Variants in PEX5L observed in about 807,000 individuals in gnomAD.
The protein encoded by PEX5L is PEX5-related protein.
A neutral mutation model predicts 84.0 loss-of-function variants in PEX5L; 30 were observed. The observed-to-expected ratio is 0.36, with a 90% CI of 0.27 to 0.48. The LOEUF (loss-of-function observed/expected upper bound fraction) is 0.48. PEX5L is among the 20% of genes least tolerant of loss of function. The pLI, the probability that PEX5L is intolerant of heterozygous loss-of-function variation, is 0.99. For missense variants in PEX5L, 533 were observed against 754.6 expected (o/e 0.71, Z 3.44); for synonymous variants, 270 against 283.1 (o/e 0.95, Z 0.46).
intron 8 of PEX5L, among the ~76,000 whole-genome samples, chr3:179,847,081 G>GTGTGTGTA (rs777216967): frequency 9.5e-6 from 1 of 105,554 alleles, no homozygotes; most frequent in African/African-American, 3.0e-5. Flanking sequence ...GTGTGTGTGT[G>GTGTGTGTA]TATATATATA....
At chr3:179,874,279 C>T (rs1751379836) in intron 7 of PEX5L, 48 bp downstream of exon 7, 8 of 1,053,230 alleles carry the variant, frequency 7.6e-6, no homozygotes, top group Admixed American at 1.8e-5. Context: ...TTATGCTATA[C>T]ACTATATATA....
intron 1 of PEX5L, among the ~76,000 whole-genome samples, chr3:179,999,518 C>T (rs113668043): frequency 6.6e-6 from 1 of 152,216 alleles, no homozygotes; most frequent in African/African-American, 2.4e-5. Flanking sequence ...CAACACTGAG[C>T]TCTCAATATG....
chr3:179,986,650 T>C (rs1035490523), intron 1 of PEX5L, among the ~76,000 whole-genome samples: 12 of 151,972 alleles, frequency 7.9e-5, no homozygotes, highest in East Asian at 1.9e-4. Flanking sequence ...GATCCGCCCG[T>C]CTTGGCCTCC....
At chr3:179,890,896 G>A (rs1195620717) in intron 3 of PEX5L, among the ~76,000 whole-genome samples, 3 of 151,512 alleles carry the variant, frequency 2.0e-5, no homozygotes, top group Admixed American at 2.0e-4. Flanking sequence ...TAAATGGAAA[G>A]CAAAGGAAAA....
At chr3:179,844,012 C>T (rs1738292725) in intron 8 of PEX5L, among the ~76,000 whole-genome samples, 1 of 152,208 alleles carries the variant, frequency 6.6e-6, no homozygotes, top group African/African-American at 2.4e-5. Flanking sequence ...AAGTTGTACA[C>T]CCATATTCAG....
At chr3:179,811,289 T>TCAA (rs1723730572) in intron 11 of PEX5L, among the ~76,000 whole-genome samples, 2 of 152,094 alleles carry the variant, frequency 1.3e-5, no homozygotes, top group African/African-American at 4.8e-5. Context: ...CCTATAGCAC[T>TCAA]ATATTAAAGG....
intron 2 of PEX5L, among the ~76,000 whole-genome samples, chr3:179,942,017 C>CAAAAAAA (rs11447396): frequency 1.1e-4 from 10 of 89,178 alleles, no homozygotes; most frequent in Non-Finnish European, 1.4e-4. Context: ...TGAGACTCCT[C>CAAAAAAA]AAAAAAAAAA....
intron 2 of PEX5L, among the ~76,000 whole-genome samples, chr3:179,929,316 A>G (rs1373132040): frequency 6.6e-6 from 1 of 152,226 alleles, no homozygotes; most frequent in East Asian, 1.9e-4. Flanking sequence ...AAAAATCCTC[A>G]AAGTACTTAA....
intron 5 of PEX5L, among the ~76,000 whole-genome samples, chr3:179,876,809 A>C (rs1161316324): frequency 6.6e-6 from 1 of 152,154 alleles, no homozygotes; most frequent in East Asian, 1.9e-4. Context: ...TACCTCATAC[A>C]AGTGGAATCC....
chr3:179,962,213 T>TTTGATTA (rs1782254790), intron 2 of PEX5L, among the ~76,000 whole-genome samples: 1 of 152,156 alleles, frequency 6.6e-6, no homozygotes, highest in Non-Finnish European at 1.5e-5. Context: ...AAATGACTAT[T>TTTGATTA]CTGGTTTGAT....
Position 179,796,125 on chromosome 3 carries a change from C to CTCT in PEX5L, c.*5700_*5702dup, listed in dbSNP as rs1185452136. 6.6e-6 allele frequency: 1 copy of CTCT among 152,098 alleles called. No homozygotes were observed. Among genetic ancestry groups the CTCT allele is most frequent in the African/African-American group, 2.4e-5 (1 of 41,404 alleles). 9.4% of individuals were successfully genotyped at this position (152,098 alleles called of 1,614,324 possible). A position where few individuals can be genotyped will look rare whatever the true frequency, so the allele number is the denominator to read the frequency against. On this transcript the variant is annotated 3_prime_UTR_variant, in exon 15 of 15. Transcript: ENST00000467460. ...GAATTACCGAGCTGAGTGTGTATAC[C>CTCT]TCTTAGTCTTTTTGTGTTATACCAT...
intron 1 of PEX5L, among the ~76,000 whole-genome samples, chr3:180,019,126 G>T (rs1387248471): frequency 1.3e-5 from 2 of 152,118 alleles, no homozygotes; most frequent in African/African-American, 2.4e-5. Flanking sequence ...CCATTGCTCA[G>T]TAGGGTAATG....
At chr3:179,899,037 T>A (rs998883747) in intron 2 of PEX5L, among the ~76,000 whole-genome samples, 7 of 152,048 alleles carry the variant, frequency 4.6e-5, no homozygotes, top group African/African-American at 1.7e-4. Flanking sequence ...TGTATATGTA[T>A]ATATATAGAT....
At chr3:179,882,524 C>A (rs1438066288) in intron 4 of PEX5L, among the ~76,000 whole-genome samples, 1 of 152,154 alleles carries the variant, frequency 6.6e-6, no homozygotes, top group East Asian at 1.9e-4. Flanking sequence ...GTCGAATGGC[C>A]AGCTTTGAAG....
chr3:179,966,790 G>A (rs1783445476), intron 2 of PEX5L, among the ~76,000 whole-genome samples: 1 of 152,114 alleles, frequency 6.6e-6, no homozygotes, highest in Non-Finnish European at 1.5e-5. Context: ...AAGTTCTAGT[G>A]TCCGTTGCTT....
At chr3:179,955,798 CTAAA>C (rs1780387532) in intron 2 of PEX5L, among the ~76,000 whole-genome samples, 1 of 151,960 alleles carries the variant, frequency 6.6e-6, no homozygotes, top group Non-Finnish European at 1.5e-5. Context: ...AGAAAGTTAT[CTAAA>C]TAATCACTCA....
intron 13 of PEX5L, among the ~76,000 whole-genome samples, chr3:179,808,037 T>A (rs1165294651): frequency 6.6e-6 from 1 of 152,240 alleles, no homozygotes; most frequent in Non-Finnish European, 1.5e-5. Flanking sequence ...TACCATTTGA[T>A]GTTGTCATCA....
chr3:179,829,943 A>ATTTTTTTTTTTTTTTTT (rs11352022), intron 8 of PEX5L, among the ~76,000 whole-genome samples: 5 of 83,610 alleles, frequency 6.0e-5, no homozygotes, highest in Non-Finnish European at 6.6e-5. Context: ...GGCCTGGCTA[A>ATTTTTTTTTTTTTTTTT]TTTTTTTTTT....
chr3:179,992,886 C>T (rs66554753), intron 1 of PEX5L, among the ~76,000 whole-genome samples: 9 of 151,572 alleles, frequency 5.9e-5, no homozygotes, highest in South Asian at 2.1e-4. Flanking sequence ...ATGTATGTGT[C>T]TATGTATGTA....
Sources: gnomAD v4.1 joint callset for allele counts (sites outside exome capture counted in the v4.1 genomes callset) on GRCh38, gnomAD v4.1.1 for gene constraint, MANE v1.5 for transcripts, NCBI Gene and HGNC (gene_info 2026-07-23, HGNC 2026-07-21) for gene names.